The following KHDRBS2 variants were observed in gnomAD, a reference collection of about 807,000 sequenced individuals.
The protein encoded by KHDRBS2 is KH domain-containing, RNA-binding, signal transduction-associated protein 2.
Under a neutral mutation model 44.3 loss-of-function variants are expected in KHDRBS2, and 26 were observed. The ratio of observed to expected loss-of-function variants is 0.59; its 90% CI spans 0.43 to 0.81. The LOEUF (loss-of-function observed/expected upper bound fraction) is 0.81, where lower values mean the gene tolerates loss of function less well. KHDRBS2 is among the 40% of genes least tolerant of loss of function. KHDRBS2 has a pLI of 0.00. For synonymous variants in KHDRBS2, 194 were observed against 151.1 expected (o/e 1.28, Z -2.08); for missense variants, 476 against 433.1 (o/e 1.10, Z -0.88).
intron 3 of KHDRBS2, among the ~76,000 whole-genome samples, chr6:62,019,501 G>A (rs1052978727): frequency 1.3e-5 from 2 of 151,894 alleles, no homozygotes; most frequent in Admixed American, 6.6e-5. Flanking sequence ...TAATATTCTG[G>A]TATATCTTGT....
chr6:62,233,378 A>G lies in KHDRBS2; in HGVS notation c.91+52480T>C, dbSNP rs116106401. Among the ~76,000 whole-genome samples, 319 of 152,288 alleles carry G rather than the reference A, an allele frequency of 2.1e-3. 1 individual carries two copies. Among genetic ancestry groups the G allele is most frequent in the African/African-American group, 7.2e-3 (300 of 41,566 alleles). On this transcript the variant is annotated intron_variant, in intron 1 of 8. Transcript: ENST00000281156. ...CACATTCATTTCAAAGAAACTGAAG[A>G]TTTAACTTCTCATGTCTAACCAATA...
chr6:61,695,222 AAAAC>A (rs3054865), intron 8 of KHDRBS2, among the ~76,000 whole-genome samples: 16 of 150,522 alleles, frequency 1.1e-4, no homozygotes, highest in East Asian at 2.0e-4. Context: ...ACCTCCTGAC[AAAAC>A]AAACAAACAA....
chr6:62,062,286 C>T lies in KHDRBS2; in HGVS notation c.220-14292G>A, dbSNP rs561452463. Among the ~76,000 whole-genome samples the T allele has an allele frequency of 5.7e-3, 844 of 148,052 alleles. 6 individuals are homozygous for T. The highest frequency in any genetic ancestry group is 9.0e-3 in the Non-Finnish European group (605 of 67,108). ...CTCTGCACCAAGCAGACCTAATAGA[C>T]GTCTACAGAACTTTCCACCCCAAAT... On this transcript the variant is annotated intron_variant, in intron 2 of 8. Transcript: ENST00000281156.
At chr6:62,202,497 C>G (rs1442884086) in intron 1 of KHDRBS2, among the ~76,000 whole-genome samples, 2 of 151,680 alleles carry the variant, frequency 1.3e-5, no homozygotes, top group Non-Finnish European at 2.9e-5. Flanking sequence ...AAGAGAAAAA[C>G]AGAGAGAGAG....
At chr6:62,061,943 C>A (rs1792037292) in intron 2 of KHDRBS2, among the ~76,000 whole-genome samples, 2 of 151,818 alleles carry the variant, frequency 1.3e-5, no homozygotes, top group Admixed American at 6.6e-5. Context: ...ATCGCTGATA[C>A]CCTTTCTTCC....
chr6:61,865,853 G>A (rs1797707482), intron 6 of KHDRBS2, among the ~76,000 whole-genome samples: 1 of 152,188 alleles, frequency 6.6e-6, no homozygotes, highest in Non-Finnish European at 1.5e-5. Context: ...TAATCTTAAA[G>A]CTCCAAAATG....
At chr6:61,773,416 T>A (rs1213590866) in intron 6 of KHDRBS2, among the ~76,000 whole-genome samples, 2 of 151,186 alleles carry the variant, frequency 1.3e-5, no homozygotes, top group East Asian at 3.9e-4. Flanking sequence ...TTTTCATGTG[T>A]TTTTTTGGCT....
intron 4 of KHDRBS2, among the ~76,000 whole-genome samples, chr6:61,962,545 C>A (rs1768973332): frequency 6.6e-6 from 1 of 151,974 alleles, no homozygotes; most frequent in African/African-American, 2.4e-5. Flanking sequence ...TCAACTAATA[C>A]AAAGTACAAC....
intron 6 of KHDRBS2, among the ~76,000 whole-genome samples, chr6:61,890,526 T>C (rs1562377745): frequency 6.6e-6 from 1 of 152,210 alleles, no homozygotes; most frequent in Non-Finnish European, 1.5e-5. Context: ...CTTCTATTAA[T>C]AACAATGCTA....
intron 4 of KHDRBS2, among the ~76,000 whole-genome samples, chr6:61,933,411 C>T (rs2127368924): frequency 6.6e-6 from 1 of 152,198 alleles, no homozygotes; most frequent in South Asian, 2.1e-4. Flanking sequence ...GTGACTAGTG[C>T]TGCAAAAAAC....
intron 4 of KHDRBS2, among the ~76,000 whole-genome samples, chr6:61,917,325 T>C (rs1807200734): frequency 6.6e-6 from 1 of 151,914 alleles, no homozygotes; most frequent in African/African-American, 2.4e-5. Context: ...AATGTATATT[T>C]AAAGCTCAAA....
At chr6:61,947,903 C>A (rs1283509846) in intron 4 of KHDRBS2, among the ~76,000 whole-genome samples, 1 of 139,720 alleles carries the variant, frequency 7.2e-6, no homozygotes, top group Non-Finnish European at 1.5e-5. Context: ...AAAACCCCCA[C>A]ACACACACAA....
intron 6 of KHDRBS2, among the ~76,000 whole-genome samples, chr6:61,871,358 T>C (rs1213985785): frequency 6.6e-6 from 1 of 152,164 alleles, no homozygotes; most frequent in African/African-American, 2.4e-5. Context: ...TGGGATTATG[T>C]GAAGAGACTA....
Position 61,911,827 on chromosome 6 carries a change from T to A in KHDRBS2, c.484-10456A>T, listed in dbSNP as rs564225282. Among the ~76,000 whole-genome samples, 9 of 152,120 alleles carry A rather than the reference T, an allele frequency of 5.9e-5. No individual in the cohort carries two copies. The East Asian group carries it at 1.7e-3, about 29-fold the overall frequency. On this transcript the variant is annotated intron_variant, in intron 4 of 8. Coordinates refer to ENST00000281156, the MANE Select transcript of KHDRBS2 (RefSeq NM_152688.4). ...TATACAATATTGCCATGAATGCCAC[T>A]TCACAAAAATTATCCTTTTATTTGG...
intron 1 of KHDRBS2, among the ~76,000 whole-genome samples, chr6:62,242,760 T>G (rs1282861238): frequency 6.6e-6 from 1 of 152,192 alleles, no homozygotes; most frequent in African/African-American, 2.4e-5. Context: ...AGTGGAGAAC[T>G]GAACAAGGTA....
intron 6 of KHDRBS2, among the ~76,000 whole-genome samples, chr6:61,780,414 G>A (rs189974534): frequency 2.0e-4 from 30 of 152,148 alleles, no homozygotes; most frequent in Non-Finnish European, 3.1e-4. Flanking sequence ...GTGGGAGGAC[G>A]GCTTGAGCCT....
At chr6:61,753,001 C>A (rs1173889428) in intron 6 of KHDRBS2, among the ~76,000 whole-genome samples, 1 of 152,046 alleles carries the variant, frequency 6.6e-6, no homozygotes, top group Non-Finnish European at 1.5e-5. Context: ...CTCTTAGTTA[C>A]CTTTCATTGG....
At chr6:61,913,924 T>C (rs1056817456) in intron 4 of KHDRBS2, among the ~76,000 whole-genome samples, 5 of 152,058 alleles carry the variant, frequency 3.3e-5, no homozygotes, top group Admixed American at 2.6e-4. Context: ...AGGGTGTAAA[T>C]GATATTAGGT....
intron 2 of KHDRBS2, among the ~76,000 whole-genome samples, chr6:62,072,974 A>ACG (rs1795523831): frequency 6.6e-6 from 1 of 151,924 alleles, no homozygotes; most frequent in Non-Finnish European, 1.5e-5. Context: ...CTGGTCCTGG[A>ACG]CTTTTTTTGG....
Sources: gnomAD v4.1 joint callset for allele counts (sites outside exome capture counted in the v4.1 genomes callset) on GRCh38, gnomAD v4.1.1 for gene constraint, MANE v1.5 for transcripts, NCBI Gene and HGNC (gene_info 2026-07-23, HGNC 2026-07-21) for gene names.